BAZ2B: variants seen among roughly 807,000 people sequenced by gnomAD.
BAZ2B encodes bromodomain adjacent to zinc finger domain protein 2B.
Under a neutral mutation model 246.0 loss-of-function variants are expected in BAZ2B, and 91 were observed. The observed-to-expected ratio is 0.37, with a 90% CI of 0.31 to 0.44. The LOEUF (loss-of-function observed/expected upper bound fraction) is 0.44, where lower values mean the gene tolerates loss of function less well. Among genes scored for constraint, BAZ2B ranks in the 20% least tolerant of loss-of-function variants. BAZ2B has a pLI of 1.00. For missense variants in BAZ2B, 2,332 were observed against 2,533.7 expected, an observed-to-expected ratio of 0.92 and a Z score of 1.71; for synonymous variants, 855 against 860.0, an observed-to-expected ratio of 0.99 and a Z score of 0.10.
At chr2:159,338,013 C>A (rs908867358) in intron 31 of BAZ2B, among the ~76,000 whole-genome samples, 2 of 152,090 alleles carry the variant, frequency 1.3e-5, no homozygotes, top group Non-Finnish European at 2.9e-5. Context: ...GGTATAAGAA[C>A]AATCAGCAAA....
chr2:159,358,318 C>T (rs2059331320), intron 27 of BAZ2B, among the ~76,000 whole-genome samples: 1 of 152,134 alleles, frequency 6.6e-6, no homozygotes, highest in African/African-American at 2.4e-5. Context: ...CAATCCTAGT[C>T]TCTGATAAAA....
At chr2:159,369,627 A>G (rs1417342515) in intron 27 of BAZ2B, among the ~76,000 whole-genome samples, 1 of 152,204 alleles carries the variant, frequency 6.6e-6, no homozygotes, top group Non-Finnish European at 1.5e-5. Context: ...TACATGCCCA[A>G]GTGACTAAGA....
chr2:159,635,496 C>T, the BAZ2B span, among the ~76,000 whole-genome samples: 1 of 152,112 alleles, frequency 6.6e-6, no homozygotes. Context: ...GGGCGCCACA[C>T]TACGCTTTAG....
chr2:159,690,193 A>G, the BAZ2B span: 1 of 470,572 alleles, frequency 2.1e-6, no homozygotes, highest in Non-Finnish European at 4.1e-6. Flanking sequence ...TCTTTCCAAC[A>G]TTTCTTATAT....
chr2:159,661,783 T>A, the BAZ2B span, among the ~76,000 whole-genome samples: 3 of 152,184 alleles, frequency 2.0e-5, 1 homozygote, highest in Non-Finnish European at 4.4e-5. Flanking sequence ...ATCATCTTTT[T>A]TTTTTTTAAT....
chr2:159,410,627 C>T (rs1412864187), intron 14 of BAZ2B, among the ~76,000 whole-genome samples: 1 of 152,124 alleles, frequency 6.6e-6, no homozygotes, highest in Admixed American at 6.6e-5. Context: ...ATTACCCAGT[C>T]TCGGGTCATA....
rs1205854672 is a variant in BAZ2B, at chr2:159,446,939, G to A, written c.539C>T (p.Ser180Phe). 4 of 1,593,550 alleles carry A rather than the reference G, an allele frequency of 2.5e-6. No individual in the cohort carries two copies. The highest frequency in any genetic ancestry group is 3.4e-6 in the Non-Finnish European group (4 of 1,171,906). ...NGSINGSNTSSVIGINTSVLS... is the reference protein window; with the variant it reads ...NGSINGSNTSFVIGINTSVLS... ...TACAGATGTGTTGATACCAATTACA[G>A]ATGATGTATTACTTCCATTTATTGA... Residue 180 changes from serine (S) to phenylalanine (F), a missense_variant, in exon 6 of 37, where the codon TCT becomes TTT. By Grantham distance (155) the Ser-to-Phe change is radical (BLOSUM62 -2). Transcript: ENST00000392783.
chr2:159,542,511 C>T (rs1168734392), intron 2 of BAZ2B, among the ~76,000 whole-genome samples: 1 of 152,120 alleles, frequency 6.6e-6, no homozygotes, highest in East Asian at 1.9e-4. Context: ...CCGGTACATG[C>T]CTGTAGTCCT....
chr2:159,401,682 G>A (rs2065092657), intron 16 of BAZ2B, among the ~76,000 whole-genome samples: 1 of 151,962 alleles, frequency 6.6e-6, no homozygotes, highest in African/African-American at 2.4e-5. Flanking sequence ...TAATGAACTG[G>A]TTATTGGATA....
intron 1 of BAZ2B, among the ~76,000 whole-genome samples, chr2:159,584,679 A>G (rs1367498178): frequency 1.3e-5 from 2 of 152,198 alleles, no homozygotes; most frequent in Admixed American, 6.5e-5. Context: ...GTAGACAAGA[A>G]AGGAGTCAAG....
intron 34 of BAZ2B, among the ~76,000 whole-genome samples, chr2:159,327,257 T>C (rs2063846806): frequency 6.6e-6 from 1 of 152,104 alleles, no homozygotes; most frequent in African/African-American, 2.4e-5. Flanking sequence ...TGAAAAACAG[T>C]CCTTTGGAGT....
intron 33 of BAZ2B, among the ~76,000 whole-genome samples, chr2:159,333,454 T>C (rs951165314): frequency 1.3e-5 from 2 of 152,154 alleles, no homozygotes; most frequent in African/African-American, 4.8e-5. Flanking sequence ...ACTTTTTCCA[T>C]GTACACATAT....
the BAZ2B span, among the ~76,000 whole-genome samples, chr2:159,627,632 A>G: frequency 0.31 from 47,606 of 152,060 alleles, 9,386 homozygotes; most frequent in Admixed American, 0.48. Context: ...TTCATGCTAA[A>G]AACTCTCAAT....
Position 159,438,555 on chromosome 2 carries a change from A to C in BAZ2B, c.1041T>G (p.Pro347=). ...THSFQSQQKQ[P]QVLSQQLPFI... is the part of the protein sequence containing the mutation. The stretch of plus-strand genomic sequence containing the variant: ...ATGGAAGCTGCTGTGACAAAACCTG[A>C]GGCTGCTTCTGCTGGGATTGGAATG... The change falls in exon 8 of 37, where the codon CCT becomes CCG. Residue 347 remains proline (P), a synonymous_variant. Coordinates refer to ENST00000392783, the MANE Select transcript of BAZ2B (RefSeq NM_013450.4). 1 of 1,614,202 alleles carries C rather than the reference A, an allele frequency of 6.2e-7. No individual in the cohort carries two copies. Among genetic ancestry groups the C allele is most frequent in the Non-Finnish European group, 8.5e-7 (1 of 1,180,012 alleles).
intron 2 of BAZ2B, among the ~76,000 whole-genome samples, chr2:159,541,269 T>A (rs1444596741): frequency 7.0e-6 from 1 of 143,112 alleles, no homozygotes; most frequent in Non-Finnish European, 1.5e-5. Context: ...CTTATTATTA[T>A]TATTATTATT....
intron 13 of BAZ2B, among the ~76,000 whole-genome samples, chr2:159,424,802 TTATAA>T (rs1175379288): frequency 1.3e-5 from 2 of 152,212 alleles, no homozygotes; most frequent in Non-Finnish European, 2.9e-5. Flanking sequence ...ACCAGATTAC[TTATAA>T]TAGTAAACAC....
the BAZ2B span, among the ~76,000 whole-genome samples, chr2:159,691,205 T>C: frequency 6.6e-6 from 1 of 152,200 alleles, no homozygotes; most frequent in Non-Finnish European, 1.5e-5. Context: ...ATATCGTATA[T>C]TAATGGATTG....
intron 6 of BAZ2B, among the ~76,000 whole-genome samples, chr2:159,442,619 T>C (rs2073626149): frequency 6.6e-6 from 1 of 152,252 alleles, no homozygotes; most frequent in Non-Finnish European, 1.5e-5. Context: ...ATCCATCCTA[T>C]AAAACTGAAA....
chr2:159,362,121 A>G (rs1233776700), intron 27 of BAZ2B, among the ~76,000 whole-genome samples: 1 of 151,710 alleles, frequency 6.6e-6, no homozygotes, highest in Non-Finnish European at 1.5e-5. Context: ...AAAAGAAAAC[A>G]AAACAAAAAA....
Sources: allele counts gnomAD v4.1 joint callset (sites outside exome capture counted in the v4.1 genomes callset), GRCh38; gene constraint gnomAD v4.1.1; transcripts MANE v1.5; gene names NCBI Gene and HGNC (gene_info 2026-07-23, HGNC 2026-07-21).